The following ANKHD1 variants were observed in gnomAD, a reference collection of about 807,000 sequenced individuals.
ANKHD1 encodes the protein ankyrin repeat and KH domain containing 1.
A neutral mutation model predicts 230.5 loss-of-function variants in ANKHD1; 31 were observed. The observed-to-expected ratio is 0.13, with a 90% CI of 0.10 to 0.18. The LOEUF is 0.18. ANKHD1 is among the 10% of genes least tolerant of loss of function. The pLI is 1.00. For missense variants in ANKHD1, 2,256 were observed against 3,071.3 expected (o/e 0.73, Z 6.27); for synonymous variants, 1,074 against 1,117.6 (o/e 0.96, Z 0.78).
chr5:140,529,903 G>GCTGCTTTAGATTCTCTCTATGATTTTT, intron 29 of ANKHD1, 107 bp downstream of exon 29: 3 of 1,455,734 alleles, frequency 2.1e-6, no homozygotes, highest in Non-Finnish European at 1.8e-6. Context: ...CATATAATGA[G>GCTGCTTTAGATTCTCTCTATGATTTTT]CTGCTTTAGA....
chr5:140,526,340 G>C lies in ANKHD1; in HGVS notation c.4837G>C (p.Glu1613Gln). The C allele has an allele frequency of 3.7e-6, 6 of 1,614,170 alleles. No individual in the cohort carries two copies. The highest frequency in any genetic ancestry group is 5.1e-6 in the Non-Finnish European group (6 of 1,180,030). ...SESSSGGKSQ[E>Q]LNFVMDVNSS... ...GAGTAGCAGTGGTGGTAAAAGCCAA[G>C]AGTTAAATTTTGTGATGGATGTGAA... is the stretch of plus-strand genomic sequence containing the variant. Residue 1613 changes from glutamate to glutamine, a missense_variant, in exon 26 of 34, where the codon GAG becomes CAG. Coordinates refer to ENST00000360839, the MANE Select transcript of ANKHD1 (RefSeq NM_017747.3).
chr5:140,500,665 A>AAAAAAAAAAAAAAAAG (rs748025095), intron 15 of ANKHD1, among the ~76,000 whole-genome samples: 231 of 115,456 alleles, frequency 2.0e-3, no homozygotes, highest in East Asian at 2.8e-3. Flanking sequence ...AAAAAAAAAA[A>AAAAAAAAAAAAAAAAG]AAAAGAAAAG....
In ANKHD1 at chr5:140,485,534, A is replaced by T; in HGVS notation, c.1999-55A>T. ...TACTGTTTAAATGAGTTTTGATTTT[A>T]TATGAGCTGCTAAGAAACTATAAAG... On this transcript the variant is annotated intron_variant, in intron 12 of 33. Coordinates refer to ENST00000360839, the MANE Select transcript of ANKHD1 (RefSeq NM_017747.3). The surrounding 1 kb of genome is among the most constrained non-coding windows in gnomAD (Gnocchi z 4.8). 1 of 1,600,684 alleles carries T rather than the reference A, an allele frequency of 6.2e-7. No homozygotes were observed. Among genetic ancestry groups the T allele is most frequent in the Non-Finnish European group, 8.5e-7 (1 of 1,174,786 alleles).
chr5:140,462,723 T>TGAAAAAAAAA (rs1581286219), intron 9 of ANKHD1, among the ~76,000 whole-genome samples: 1 of 17,824 alleles, frequency 5.6e-5, no homozygotes, highest in Non-Finnish European at 1.5e-4. Context: ...AGACTCCATC[T>TGAAAAAAAAA]CAAAAAAAAA....
At chr5:140,464,984 A>G (rs1775984503) in intron 10 of ANKHD1, 1 of 335,352 alleles carries the variant, frequency 3.0e-6, no homozygotes, top group African/African-American at 2.1e-5. Context: ...TTTCCTAGGT[A>G]AAACTACTAG....
At chr5:140,437,529 C>A (rs945733861) in intron 2 of ANKHD1, among the ~76,000 whole-genome samples, 1 of 152,118 alleles carries the variant, frequency 6.6e-6, no homozygotes, top group East Asian at 1.9e-4. Flanking sequence ...ATGGTGAAAC[C>A]TCGTCTTTAC....
intron 15 of ANKHD1, among the ~76,000 whole-genome samples, chr5:140,500,039 T>C (rs949911673): frequency 6.6e-6 from 1 of 152,020 alleles, no homozygotes; most frequent in African/African-American, 2.4e-5. Flanking sequence ...CAGCTAATTT[T>C]TGTATTTTTA....
intron 14 of ANKHD1, among the ~76,000 whole-genome samples, chr5:140,495,697 TAA>T (rs1230804584): frequency 1.3e-5 from 2 of 152,208 alleles, no homozygotes; most frequent in Non-Finnish European, 2.9e-5. Context: ...GGAAGGAACT[TAA>T]GTGTAATTTA....
rs753719240 is a variant in ANKHD1, at chr5:140,496,929, T to C, written c.2655T>C (p.Asp885=). ...GAGTCTTCCCAGAAGGGGAAGGAGATGGTAGTCTCCCAGAGGATCACTTTT... is the reference window on the plus strand; with the variant it reads ...GAGTCTTCCCAGAAGGGGAAGGAGACGGTAGTCTCCCAGAGGATCACTTTT... ...HRGVFPEGEG[D]GSLPEDHFSE... is the part of the protein sequence containing the mutation. Residue 885 remains aspartate (D), a synonymous_variant, in exon 15 of 34, where the codon GAT becomes GAC. Transcript: ENST00000360839. 78 of 1,614,066 alleles carry C rather than the reference T, an allele frequency of 4.8e-5. No individual in the cohort carries two copies. Among genetic ancestry groups the C allele is most frequent in the Non-Finnish European group, 6.4e-5 (75 of 1,180,032 alleles).
intron 9 of ANKHD1, among the ~76,000 whole-genome samples, chr5:140,459,649 C>A (rs921798658): frequency 8.6e-5 from 13 of 151,676 alleles, no homozygotes; most frequent in African/African-American, 3.1e-4. Flanking sequence ...GTTCTCACCA[C>A]AAATATGTGA....
chr5:140,450,661 TCCTGAGTA>T (rs1774660044), intron 7 of ANKHD1, among the ~76,000 whole-genome samples: 2 of 152,120 alleles, frequency 1.3e-5, no homozygotes, highest in African/African-American at 4.8e-5. Flanking sequence ...CGCCTCAGCT[TCCTGAGTA>T]CCTGAGACTA....
chr5:140,529,020 C>T lies in ANKHD1; in HGVS notation c.6074C>T (p.Pro2025Leu). The T allele has an allele frequency of 6.2e-7, 1 of 1,614,106 alleles. No homozygotes were observed. The highest frequency in any genetic ancestry group is 8.5e-7 in the Non-Finnish European group (1 of 1,180,046). ...SQKMESFSAV[P>L]PTKEKVSTQD... ...AAGATGGAGTCTTTCTCTGCTGTGC[C>T]ACCCACCAAAGAGAAAGTGTCCACA... is the stretch of plus-strand genomic sequence containing the variant. Residue 2025 changes from proline (P) to leucine (L), a missense_variant, in exon 29 of 34, where the codon CCA becomes CTA. Physicochemically the swap from Pro to Leu is moderately conservative, Grantham distance 98. Coordinates refer to ENST00000360839, the MANE Select transcript of ANKHD1 (RefSeq NM_017747.3).
At chr5:140,513,196 GA>G (rs967473965) in intron 23 of ANKHD1, among the ~76,000 whole-genome samples, 166 bp from the exon 24 acceptor site, 2 of 152,178 alleles carry the variant, frequency 1.3e-5, no homozygotes, top group African/African-American at 4.8e-5. Context: ...GGTTTTTAGG[GA>G]AATGGTGTCT....
intron 15 of ANKHD1, among the ~76,000 whole-genome samples, chr5:140,499,350 T>TTATA (rs1752173476): frequency 6.6e-6 from 1 of 152,070 alleles, no homozygotes; most frequent in Non-Finnish European, 1.5e-5. Flanking sequence ...ATTGGTAAGA[T>TTATA]TATAGAGTAG....
intron 15 of ANKHD1, among the ~76,000 whole-genome samples, chr5:140,498,685 CAG>C (rs1394956948): frequency 3.3e-5 from 5 of 152,138 alleles, no homozygotes; most frequent in South Asian, 2.1e-4. Context: ...TGGGTAAAAA[CAG>C]ATTTTAGAAT....
intron 1 of ANKHD1, among the ~76,000 whole-genome samples, chr5:140,422,669 G>A (rs1772083328): frequency 6.6e-6 from 1 of 150,978 alleles, no homozygotes; most frequent in African/African-American, 2.4e-5. Context: ...ATTTAGCAGG[G>A]TGTAGTGGTA....
intron 24 of ANKHD1, among the ~76,000 whole-genome samples, chr5:140,517,906 C>G (rs1303486166): frequency 6.7e-6 from 1 of 150,094 alleles, no homozygotes; most frequent in Non-Finnish European, 1.5e-5. Flanking sequence ...CAAACACATT[C>G]AAAAGCTAGC....
intron 17 of ANKHD1, 61 bp from the exon 18 acceptor site, chr5:140,505,663 A>G: frequency 6.5e-7 from 1 of 1,534,664 alleles, no homozygotes; most frequent in Non-Finnish European, 8.7e-7. Flanking sequence ...AATTGTAAAC[A>G]GTGGCTTTAA....
At chr5:140,483,172 G>A (rs1340157195) in intron 11 of ANKHD1, among the ~76,000 whole-genome samples, 2 of 152,118 alleles carry the variant, frequency 1.3e-5, no homozygotes, top group Non-Finnish European at 2.9e-5. Context: ...GTTTACTGCA[G>A]TAAAATAAAA....
Sources: allele counts gnomAD v4.1 joint callset (sites outside exome capture counted in the v4.1 genomes callset), GRCh38; gene constraint gnomAD v4.1.1; non-coding constraint Gnocchi (gnomAD v3.1); transcripts MANE v1.5; gene names NCBI Gene and HGNC (gene_info 2026-07-23, HGNC 2026-07-21).